Variants in REV3L observed in about 807,000 individuals in gnomAD.
The protein encoded by REV3L is DNA polymerase zeta catalytic subunit.
A neutral mutation model predicts 299.4 loss-of-function variants in REV3L; 69 were observed. The ratio of observed to expected loss-of-function variants is 0.23; its 90% confidence interval spans 0.19 to 0.28. The LOEUF (loss-of-function observed/expected upper bound fraction) is 0.28. Among genes scored for constraint, REV3L ranks in the 10% least tolerant of loss-of-function variants. The pLI is 1.00. For missense variants in REV3L, 3,128 were observed against 3,693.8 expected (o/e 0.85, Z 3.97); for synonymous variants, 1,238 against 1,271.4 (o/e 0.97, Z 0.56).
Position 111,335,615 on chromosome 6 carries a change from T to TA in REV3L, c.7539-6dup. ...TAATGATCAACCATTTTCCATCTGTTAAAAAAGAATCCACATTATGAACAT... is the reference window on the plus strand; with the variant it reads ...TAATGATCAACCATTTTCCATCTGTTAAAAAAAGAATCCACATTATGAACAT... On this transcript the variant is annotated splice_polypyrimidine_tract_variant and splice_region_variant and intron_variant, in intron 21 of 31. Transcript: ENST00000368802. 3.1e-6 allele frequency: 5 copies of TA among 1,603,588 alleles called. No individual in the cohort carries two copies. The highest frequency in any genetic ancestry group is 4.3e-6 in the Non-Finnish European group (5 of 1,176,212).
chr6:111,356,947 A>G, intron 18 of REV3L, 67 bp downstream of exon 18: 1 of 751,448 alleles, frequency 1.3e-6, no homozygotes, highest in Non-Finnish European at 2.2e-6. Flanking sequence ...TATCTTCACT[A>G]TTATCTGCAA....
At chr6:111,352,474 TGG>T (rs1777674044) in intron 18 of REV3L, among the ~76,000 whole-genome samples, 1 of 152,070 alleles carries the variant, frequency 6.6e-6, no homozygotes, top group Non-Finnish European at 1.5e-5. Context: ...AGGGTGTGTG[TGG>T]GTATGGTATT....
At chr6:111,359,487 A>G (rs910092236) in intron 16 of REV3L, among the ~76,000 whole-genome samples, 2 of 149,440 alleles carry the variant, frequency 1.3e-5, no homozygotes, top group African/African-American at 4.9e-5. Flanking sequence ...ACTTTTGCAT[A>G]CACTAGGCAG....
At chr6:111,425,582 A>G (rs1786080315) in intron 1 of REV3L, among the ~76,000 whole-genome samples, 1 of 152,212 alleles carries the variant, frequency 6.6e-6, no homozygotes, top group Non-Finnish European at 1.5e-5. Flanking sequence ...GAACTGCTAC[A>G]TAATTTAAAA....
chr6:111,382,374 G>C (rs1780917231), intron 9 of REV3L, among the ~76,000 whole-genome samples: 1 of 152,190 alleles, frequency 6.6e-6, no homozygotes, highest in East Asian at 1.9e-4. Flanking sequence ...GTGGTCTTGA[G>C]GCACGGAGAG....
chr6:111,358,299 A>G (rs1778302159), intron 17 of REV3L, among the ~76,000 whole-genome samples: 1 of 152,226 alleles, frequency 6.6e-6, no homozygotes. Context: ...AAATACCTGC[A>G]TATGCATACA....
rs1279149488 is a variant in REV3L at position 111,374,476 on chromosome 6, A to G, written c.3879T>C (p.Ser1293=). 1.2e-6 allele frequency: 2 copies of G among 1,614,000 alleles called. No individual in the cohort carries two copies. Among genetic ancestry groups the G allele is most frequent in the Non-Finnish European group, 1.7e-6 (2 of 1,179,970 alleles). Residue 1293 remains serine (S), a synonymous_variant, in exon 13 of 32, where the codon TCT becomes TCC. Coordinates refer to ENST00000368802, the MANE Select transcript of REV3L (RefSeq NM_001372078.1). ...TTTCTAAGAAAGAAGAAAAGCAGCC[A>G]GATAACTTCTGTTGTGCATTAATTC... ...PTGINAQQKL[S]GCFSSFLESK... is the part of the protein sequence containing the mutation.
intron 1 of REV3L, among the ~76,000 whole-genome samples, chr6:111,460,948 G>A (rs1790697818): frequency 6.6e-6 from 1 of 151,934 alleles, no homozygotes; most frequent in Admixed American, 6.6e-5. Context: ...TGGTGAAGCT[G>A]GTGTAAAGAA....
At chr6:111,460,675 C>T (rs1351586725) in intron 1 of REV3L, among the ~76,000 whole-genome samples, 1 of 152,064 alleles carries the variant, frequency 6.6e-6, no homozygotes, top group African/African-American at 2.4e-5. Context: ...CTTGGATCTA[C>T]ACAAAGACAT....
At position 111,373,302 on chromosome 6, in the gene REV3L, G is replaced by A. The variant is rs1779984491; in HGVS notation, c.5053C>T (p.Leu1685Phe). 9 of 1,614,022 alleles carry A rather than the reference G, an allele frequency of 5.6e-6. No homozygotes were observed. Among genetic ancestry groups the A allele is most frequent in the Non-Finnish European group, 7.6e-6 (9 of 1,179,994 alleles). ...QKFLSDAVQDLFPGQAIEKNE... is the reference protein window; with the variant it reads ...QKFLSDAVQDFFPGQAIEKNE... ...TTTTCTATAGCTTGTCCTGGAAAAAGATCCTGAACAGCATCACTTAGGAAC... is the reference window on the plus strand; with the variant it reads ...TTTTCTATAGCTTGTCCTGGAAAAAAATCCTGAACAGCATCACTTAGGAAC... The change falls in exon 13 of 32, where the codon CTT becomes TTT. Residue 1685 changes from leucine (L) to phenylalanine (F), a missense_variant. Leu to Phe is a conservative substitution (Grantham distance 22). This residue lies in a region of REV3L where 2,409 missense variants were observed against 2,611.8 expected (regional missense o/e 0.92). Coordinates refer to ENST00000368802, the MANE Select transcript of REV3L (RefSeq NM_001372078.1).
At position 111,374,561 on chromosome 6, in the gene REV3L, TTC is replaced by T; in HGVS notation, c.3792_3793del (p.Lys1265ArgfsTer22). The T allele has an allele frequency of 6.2e-7, 1 of 1,613,998 alleles. No individual in the cohort carries two copies. Among genetic ancestry groups the T allele is most frequent in the Non-Finnish European group, 8.5e-7 (1 of 1,179,926 alleles). ...AGCAGAGCCCATTAGTGGCATATCT[TTC>T]TGTTTAAAAAGTAGTTGAGAGCCTC... On this transcript the variant is annotated frameshift_variant, in exon 13 of 32. Transcript: ENST00000368802. LOFTEE classifies it high-confidence loss of function.
chr6:111,424,617 C>G (rs897895514), intron 1 of REV3L, among the ~76,000 whole-genome samples: 1 of 152,168 alleles, frequency 6.6e-6, no homozygotes, highest in Non-Finnish European at 1.5e-5. Flanking sequence ...GCTGTAAAAA[C>G]CAGCAGCCAG....
intron 4 of REV3L, among the ~76,000 whole-genome samples, chr6:111,396,885 G>A (rs1338666668): frequency 6.6e-6 from 1 of 152,068 alleles, no homozygotes. Flanking sequence ...GTCCAAAAAT[G>A]TACACATTCC....
chr6:111,427,642 C>T (rs568668457), intron 1 of REV3L, among the ~76,000 whole-genome samples: 1 of 152,270 alleles, frequency 6.6e-6, no homozygotes, highest in South Asian at 2.1e-4. Context: ...TGTCCAGCAC[C>T]AAGCATGCAG....
intron 9 of REV3L, among the ~76,000 whole-genome samples, 157 bp from the exon 10 acceptor site, chr6:111,381,601 A>G (rs754201092): frequency 3.9e-5 from 6 of 152,230 alleles, no homozygotes; most frequent in Non-Finnish European, 7.3e-5. Flanking sequence ...ATAAAAAGCC[A>G]CAGAAATATT....
chr6:111,470,174 TCACACACACACA>T (rs6149753), intron 1 of REV3L, among the ~76,000 whole-genome samples: 10 of 150,370 alleles, frequency 6.7e-5, no homozygotes, highest in East Asian at 2.0e-4. Context: ...TTACTATCTC[TCACACACACACA>T]CACACACACA....
intron 25 of REV3L, among the ~76,000 whole-genome samples, chr6:111,326,363 C>CT (rs1482020907): frequency 6.6e-6 from 1 of 151,970 alleles, no homozygotes; most frequent in Non-Finnish European, 1.5e-5. Flanking sequence ...ATACAAATGA[C>CT]TAACATTACT....
At chr6:111,462,539 C>T (rs576893946) in intron 1 of REV3L, among the ~76,000 whole-genome samples, 28 of 151,988 alleles carry the variant, frequency 1.8e-4, no homozygotes, top group African/African-American at 5.3e-4. Context: ...TTTTATAGAA[C>T]GAGTAGGCTA....
At chr6:111,361,202 A>T (rs1304726041) in intron 16 of REV3L, 1 of 151,798 alleles carries the variant, frequency 6.6e-6, no homozygotes, top group African/African-American at 2.4e-5. Context: ...TGGCAAATGT[A>T]GCGAAACCCC....
Sources: allele counts gnomAD v4.1 joint callset (sites outside exome capture counted in the v4.1 genomes callset), GRCh38; gene constraint gnomAD v4.1.1; regional missense constraint gnomAD v4.1.1; transcripts MANE v1.5; gene names NCBI Gene and HGNC (gene_info 2026-07-23, HGNC 2026-07-21).